PRELID2: variants seen among roughly 807,000 people sequenced by gnomAD.
PRELID2 encodes PRELI domain-containing protein 2.
PRELID2 carries 25 observed loss-of-function variants against 28.4 expected under a neutral mutation model. That is an observed-to-expected ratio of 0.88 (90% CI 0.64 to 1.23). The LOEUF (loss-of-function observed/expected upper bound fraction) is 1.23. PRELID2 is among the 50% of genes most tolerant of loss of function. The probability of loss-of-function intolerance (pLI) is 0.00; values close to 1 mark genes in which losing one functional copy is unlikely to be tolerated. For synonymous variants in PRELID2, 76 were observed against 71.6 expected, an observed-to-expected ratio of 1.06 and a Z score of -0.31; for missense variants, 201 against 214.4, an observed-to-expected ratio of 0.94 and a Z score of 0.39.
chr5:145,608,552 G>T (rs1580999391), intron 1 of PRELID2, among the ~76,000 whole-genome samples: 1 of 152,292 alleles, frequency 6.6e-6, no homozygotes, highest in South Asian at 2.1e-4. Context: ...TTTTCCTTAA[G>T]AATGCTGAAT....
intron 1 of PRELID2, among the ~76,000 whole-genome samples, chr5:145,828,832 C>CTTT (rs67543120): frequency 1.1e-3 from 75 of 68,254 alleles, no homozygotes; most frequent in East Asian, 1.4e-3. Flanking sequence ...TGAAAAAAAT[C>CTTT]TTTTTTTTTT....
intron 1 of PRELID2, among the ~76,000 whole-genome samples, chr5:145,825,392 G>T (rs976066653): frequency 6.6e-6 from 1 of 152,056 alleles, no homozygotes; most frequent in African/African-American, 2.4e-5. Context: ...CTAAAGCAAG[G>T]GAGATATTTG....
chr5:145,370,880 T>A, the PRELID2 span, among the ~76,000 whole-genome samples: 1 of 152,086 alleles, frequency 6.6e-6, no homozygotes, highest in Non-Finnish European at 1.5e-5. Flanking sequence ...TTGTAGCAAT[T>A]GCGAATGGGA....
chr5:145,654,742 T>C (rs925313576), intron 1 of PRELID2, among the ~76,000 whole-genome samples: 3 of 152,060 alleles, frequency 2.0e-5, no homozygotes, highest in African/African-American at 4.8e-5. Flanking sequence ...ATTGATGGGA[T>C]GTATCTCAAA....
chr5:145,539,765 T>C (rs959517811), intron 1 of PRELID2, among the ~76,000 whole-genome samples: 1 of 151,862 alleles, frequency 6.6e-6, no homozygotes, highest in African/African-American at 2.4e-5. Context: ...CACTCTGTGG[T>C]GTTTTAAGTA....
In PRELID2 at chr5:145,613,263, C is replaced by T. The variant is rs200301101; in HGVS notation, n.71-139948G>A. Among the ~76,000 whole-genome samples the T allele has an allele frequency of 8.3e-4, 126 of 151,646 alleles. 1 individual carries two copies. The East Asian group carries it at 0.011, about 13-fold the overall frequency. Reference sequence around the variant, plus strand: ...GAGTATTTTTTCATATGTTTGCTGGCTATTTGTATATCTTCTTTTTTTATT... The same window carrying T: ...GAGTATTTTTTCATATGTTTGCTGGTTATTTGTATATCTTCTTTTTTTATT... On this transcript the variant is annotated intron_variant and non_coding_transcript_variant, in intron 1 of 2. Transcript: ENST00000510259.
At chr5:145,473,610 C>A (rs1338129341) in intron 1 of PRELID2, among the ~76,000 whole-genome samples, 4 of 152,080 alleles carry the variant, frequency 2.6e-5, no homozygotes, top group Admixed American at 2.0e-4. Flanking sequence ...ATTTTACTAT[C>A]TTTATTATTA....
chr5:145,579,088 A>G (rs903173651), intron 1 of PRELID2, among the ~76,000 whole-genome samples: 1 of 152,082 alleles, frequency 6.6e-6, no homozygotes, highest in African/African-American at 2.4e-5. Context: ...CACTTGTAAA[A>G]TAGGAGAATA....
intron 1 of PRELID2, among the ~76,000 whole-genome samples, chr5:145,587,537 C>A (rs1470372935): frequency 2.0e-5 from 3 of 152,098 alleles, no homozygotes; most frequent in Non-Finnish European, 4.4e-5. Flanking sequence ...TAAAATATAT[C>A]TTTGGGGGCA....
the PRELID2 span, among the ~76,000 whole-genome samples, chr5:145,408,211 A>G: frequency 6.6e-6 from 1 of 152,008 alleles, no homozygotes; most frequent in Admixed American, 6.6e-5. Flanking sequence ...AGGAACCAGG[A>G]AAGTATTTCT....
the PRELID2 span, among the ~76,000 whole-genome samples, chr5:145,280,426 G>A: frequency 6.6e-6 from 1 of 152,042 alleles, no homozygotes; most frequent in Admixed American, 6.6e-5. Context: ...GTGATGTATG[G>A]CGTGCATTAA....
At chr5:145,433,472 C>T in the PRELID2 span, among the ~76,000 whole-genome samples, 1 of 152,128 alleles carries the variant, frequency 6.6e-6, no homozygotes, top group African/African-American at 2.4e-5. Flanking sequence ...AGGAGAGAAG[C>T]GACTTGCTCC....
intron 1 of PRELID2, among the ~76,000 whole-genome samples, chr5:145,481,069 A>T (rs914261675): frequency 2.7e-4 from 41 of 152,116 alleles, no homozygotes; most frequent in Non-Finnish European, 4.7e-4. Context: ...CAGAAGTTAC[A>T]TTATTTGAGT....
chr5:145,347,381 AC>A, the PRELID2 span, among the ~76,000 whole-genome samples: 1 of 152,146 alleles, frequency 6.6e-6, no homozygotes, highest in South Asian at 2.1e-4. Context: ...TTTCCAGTTC[AC>A]CCACATTAGT....
At chr5:145,614,324 A>G (rs11960104) in intron 1 of PRELID2, among the ~76,000 whole-genome samples, 7,047 of 152,134 alleles carry the variant, frequency 0.046, 509 homozygotes, top group African/African-American at 0.16. Flanking sequence ...TTCCATATGG[A>G]TTTTAGAATT....
At position 145,489,394 on chromosome 5, in the gene PRELID2, T is replaced by C. The variant is rs951769805; in HGVS notation, n.71-16079A>G. ...ATAGTAATACTGTTAATATTAAAAATAGTTGTATTTGTGTATTTTACATGC... is the reference window on the plus strand; with the variant it reads ...ATAGTAATACTGTTAATATTAAAAACAGTTGTATTTGTGTATTTTACATGC... On this transcript the variant is annotated intron_variant and non_coding_transcript_variant, in intron 1 of 2. Transcript: ENST00000510259. Among the ~76,000 whole-genome samples the C allele has an allele frequency of 7.2e-5, 11 of 152,292 alleles. No homozygotes were observed. The South Asian group carries it at 1.9e-3, about 26-fold the overall frequency.
At chr5:145,527,523 A>T (rs1752618814) in intron 1 of PRELID2, among the ~76,000 whole-genome samples, 1 of 152,200 alleles carries the variant, frequency 6.6e-6, no homozygotes, top group South Asian at 2.1e-4. Context: ...CACATGCAGA[A>T]TTTTTCAAGC....
chr5:145,559,030 G>A lies in PRELID2; in HGVS notation n.71-85715C>T, dbSNP rs535269442. Among the ~76,000 whole-genome samples, 228 of 152,220 alleles carry A rather than the reference G, an allele frequency of 1.5e-3. 3 individuals are homozygous for A. The highest frequency in any genetic ancestry group is 4.5e-3 in the African/African-American group (188 of 41,552). ...AGCATTTTGGGAGGCTGAGACAGGC[G>A]GATCACGAGGTCAGGAGATCGAGAC... On this transcript the variant is annotated intron_variant and non_coding_transcript_variant, in intron 1 of 2. Coordinates refer to the PRELID2 transcript ENST00000510259.
intron 1 of PRELID2, among the ~76,000 whole-genome samples, chr5:145,546,863 GAA>G (rs966781873): frequency 2.6e-5 from 4 of 152,180 alleles, no homozygotes; most frequent in African/African-American, 9.7e-5. Context: ...AGAGGAAAGA[GAA>G]GAGGGAAAAC....
Sources: gnomAD v4.1 joint callset for allele counts (sites outside exome capture counted in the v4.1 genomes callset) on GRCh38, gnomAD v4.1.1 for gene constraint, MANE v1.5 for transcripts, NCBI Gene and HGNC (gene_info 2026-07-23, HGNC 2026-07-21) for gene names.